SMPX: variants seen among roughly 807,000 people sequenced by gnomAD.
SMPX encodes small muscular protein.
A neutral mutation model predicts 6.3 loss-of-function variants in SMPX; 2 were observed. The ratio of observed to expected loss-of-function variants is 0.32; its 90% CI spans 0.13 to 0.99. The LOEUF (loss-of-function observed/expected upper bound fraction) is 0.99. Ranked by LOEUF, SMPX falls within the 50% of genes least tolerant of loss-of-function variation. The pLI is 0.49. For missense variants in SMPX, 60 were observed against 66.8 expected (o/e 0.90, Z 0.36); for synonymous variants, 32 against 24.7 (o/e 1.30, Z -0.88).
chrX:21,740,726 A>G (rs754785144), intron 3 of SMPX, among the ~76,000 whole-genome samples: 2 of 112,494 alleles, frequency 1.8e-5, no homozygotes, highest in Non-Finnish European at 1.9e-5. Context: ...ACAGTGGAGA[A>G]GACTCAGGCA....
At chrX:21,732,875 T>G (rs1193267718) in intron 4 of SMPX, among the ~76,000 whole-genome samples, 1 of 110,797 alleles carries the variant, frequency 9.0e-6, no homozygotes, top group Non-Finnish European at 1.9e-5. Context: ...GTCCCCATGA[T>G]AGAATTAGCA....
intron 4 of SMPX, among the ~76,000 whole-genome samples, chrX:21,734,238 T>C (rs1360399398): frequency 9.0e-6 from 1 of 111,609 alleles, no homozygotes; most frequent in African/African-American, 3.3e-5. Flanking sequence ...CTTTACTGAG[T>C]ACCTATGCTC....
rs190499315 is a variant in SMPX, at chrX:21,737,721, C to T, written c.133-24G>A. 430 of 1,202,904 alleles carry T rather than the reference C, an allele frequency of 3.6e-4. 1 individual carries two copies. In the African/African-American group the frequency reaches 6.3e-3, roughly 17 times the overall value. ...CCCTGAAGAGCAAGGAGAAGAAATC[C>T]AACTCACCAAAAATCACATTTGATC... On this transcript the variant is annotated intron_variant, in intron 3 of 4. Transcript: ENST00000379494.
chrX:21,749,593 C>T (rs1482840495), intron 2 of SMPX, among the ~76,000 whole-genome samples: 1 of 111,699 alleles, frequency 9.0e-6, no homozygotes, highest in Non-Finnish European at 1.9e-5. Context: ...GCTTGGGGAT[C>T]AGACTGAATA....
rs150700337 is a variant in SMPX, at chrX:21,743,791, G to C, written c.91C>G (p.Gln31Glu). The change falls in exon 3 of 5, where the codon CAA becomes GAA. Residue 31 changes from glutamine to glutamate, a missense_variant. Gln to Glu is a conservative substitution (Grantham distance 29). Coordinates refer to ENST00000379494, the MANE Select transcript of SMPX (RefSeq NM_014332.3). ...GTACATTCTTTTCTTCTGGGGGGTTGACCTGCTCCTGGCCGAAAGGCTCCC... is the reference window on the plus strand; with the variant it reads ...GTACATTCTTTTCTTCTGGGGGGTTCACCTGCTCCTGGCCGAAAGGCTCCC... The part of the protein sequence containing the change: ...PMGAFRPGAG[Q>E]PPRRKECTPE... 27 of 1,207,765 alleles carry C rather than the reference G, an allele frequency of 2.2e-5. No individual in the cohort carries two copies. In the African/African-American group the frequency reaches 4.2e-4, roughly 19 times the overall value.
chrX:21,714,103 GATAATA>G (rs370778243), intron 4 of SMPX, among the ~76,000 whole-genome samples: 180 of 111,563 alleles, frequency 1.6e-3, no homozygotes, highest in African/African-American at 5.5e-3. Context: ...AGTTTCAAGA[GATAATA>G]AAACAAGTTT....
At chrX:21,737,746 C>T (rs376614738) in intron 3 of SMPX, 49 bp from the exon 4 acceptor site, 1 of 1,162,836 alleles carries the variant, frequency 8.6e-7, no homozygotes, top group East Asian at 3.0e-5. Flanking sequence ...CACATTTGAT[C>T]TCTTTGGGCC....
intron 4 of SMPX, among the ~76,000 whole-genome samples, chrX:21,736,058 C>A (rs1162481246): frequency 1.8e-5 from 2 of 112,119 alleles, no homozygotes; most frequent in Non-Finnish European, 3.8e-5. Flanking sequence ...CTCCTGTGTT[C>A]TTTTATGTAA....
At chrX:21,709,512 G>T (rs748025883) in intron 4 of SMPX, among the ~76,000 whole-genome samples, 7 of 112,142 alleles carry the variant, frequency 6.2e-5, no homozygotes, top group South Asian at 3.7e-4. Flanking sequence ...CTGACACATA[G>T]CAGGGGTCCA....
chrX:21,743,907 T>C lies in SMPX; in HGVS notation c.46-71A>G. ...TTGCAATGACATTCTGAGACAGTAA[T>C]CGTTGTGAAGAAAAATGCGTCTGAA... On this transcript the variant is annotated intron_variant, in intron 2 of 4. Coordinates refer to ENST00000379494, the MANE Select transcript of SMPX (RefSeq NM_014332.3). 3 of 817,461 alleles carry C rather than the reference T, an allele frequency of 3.7e-6. No homozygotes were observed. The South Asian group carries it at 6.3e-5, about 17-fold the overall frequency. The allele number at this position is 817,461 out of a possible 1,213,427, so 67.4% of individuals were successfully genotyped here. A position where few individuals can be genotyped will look rare whatever the true frequency, so the allele number is the denominator to read the frequency against.
chrX:21,745,231 C>A (rs973140645), intron 2 of SMPX, among the ~76,000 whole-genome samples: 5 of 111,986 alleles, frequency 4.5e-5, no homozygotes, highest in Non-Finnish European at 9.4e-5. Flanking sequence ...AAATATAAAT[C>A]CAGCACAACT....
At chrX:21,734,379 A>G (rs759952946) in intron 4 of SMPX, among the ~76,000 whole-genome samples, 6 of 111,711 alleles carry the variant, frequency 5.4e-5, no homozygotes, top group South Asian at 3.8e-4. Context: ...CTGTAAGCAA[A>G]CAAGCTGACA....
chrX:21,744,298 T>C (rs1420261583), intron 2 of SMPX, among the ~76,000 whole-genome samples: 1 of 111,789 alleles, frequency 8.9e-6, no homozygotes, highest in Non-Finnish European at 1.9e-5. Context: ...CGCCCTAAGC[T>C]ACTTCCTCCT....
At chrX:21,746,375 C>G (rs750914122) in intron 2 of SMPX, among the ~76,000 whole-genome samples, 1 of 111,540 alleles carries the variant, frequency 9.0e-6, no homozygotes, top group Admixed American at 9.5e-5. Context: ...TGCCTGACTT[C>G]AGGGACAGAC....
At chrX:21,712,128 T>A (rs969782440) in intron 4 of SMPX, among the ~76,000 whole-genome samples, 1 of 112,148 alleles carries the variant, frequency 8.9e-6, no homozygotes, top group African/African-American at 3.2e-5. Context: ...AAACTCTTTC[T>A]TTTTTCCCAA....
In SMPX at chrX:21,723,438, G is replaced by A. The variant is rs765049976; in HGVS notation, c.*14+14111C>T. ...AAAAAGCTGGCTTCTCAAATTGGCAGGTCATCCATGCAAAGCCAGCCTGGA... is the reference window on the plus strand; with the variant it reads ...AAAAAGCTGGCTTCTCAAATTGGCAAGTCATCCATGCAAAGCCAGCCTGGA... On this transcript the variant is annotated intron_variant, in intron 4 of 4. Coordinates refer to ENST00000379494, the MANE Select transcript of SMPX (RefSeq NM_014332.3). 8.0e-5 allele frequency among the ~76,000 whole-genome samples: 9 copies of A among 112,050 alleles called. No homozygotes were observed. The South Asian group carries it at 1.9e-3, about 23-fold the overall frequency.
At chrX:21,722,496 G>GA (rs1211099548) in intron 4 of SMPX, among the ~76,000 whole-genome samples, 120 of 111,556 alleles carry the variant, frequency 1.1e-3, no homozygotes, top group Middle Eastern at 4.6e-3. Context: ...AAAAAGTTAA[G>GA]AAAAAAAACA....
chrX:21,713,419 G>T (rs1279472626), intron 4 of SMPX, among the ~76,000 whole-genome samples: 1 of 111,685 alleles, frequency 9.0e-6, no homozygotes, highest in Non-Finnish European at 1.9e-5. Context: ...TGCTAATAAA[G>T]ACATACTCAA....
At chrX:21,742,675 C>G (rs1265341791) in intron 3 of SMPX, among the ~76,000 whole-genome samples, 1 of 111,845 alleles carries the variant, frequency 8.9e-6, no homozygotes, top group Non-Finnish European at 1.9e-5. Flanking sequence ...CCATCTCCTC[C>G]TTTCAAAAAT....
Sources: allele counts gnomAD v4.1 joint callset (sites outside exome capture counted in the v4.1 genomes callset), GRCh38; gene constraint gnomAD v4.1.1; transcripts MANE v1.5; gene names NCBI Gene and HGNC (gene_info 2026-07-23, HGNC 2026-07-21).